The following GLRA2 variants were observed in gnomAD, a reference collection of about 807,000 sequenced individuals.
GLRA2 encodes glycine receptor alpha 2.
A neutral mutation model predicts 31.6 loss-of-function variants in GLRA2; 11 were observed. The ratio of observed to expected loss-of-function variants is 0.35; its 90% CI spans 0.22 to 0.58. The LOEUF is 0.58. GLRA2 is among the 20% of genes least tolerant of loss of function. GLRA2 has a pLI of 0.84. For synonymous variants in GLRA2, 132 were observed against 134.0 expected, an observed-to-expected ratio of 0.99 and a Z score of 0.10; for missense variants, 212 against 351.8, an observed-to-expected ratio of 0.60 and a Z score of 3.18.
chrX:14,681,431 C>A (rs1353135108), intron 7 of GLRA2, among the ~76,000 whole-genome samples: 3 of 111,196 alleles, frequency 2.7e-5, no homozygotes, highest in African/African-American at 9.8e-5. Flanking sequence ...ATCCATCCAC[C>A]ATGTATTTAT....
intron 7 of GLRA2, among the ~76,000 whole-genome samples, chrX:14,662,619 C>T (rs1047046072): frequency 7.2e-5 from 8 of 111,700 alleles, no homozygotes; most frequent in African/African-American, 9.7e-5. Context: ...AATAGATTTA[C>T]ATGAATGCTA....
the GLRA2 span, among the ~76,000 whole-genome samples, chrX:14,473,040 C>CA: frequency 9.1e-6 from 1 of 110,469 alleles, no homozygotes; most frequent in African/African-American, 3.3e-5. Context: ...TAGAATCAGA[C>CA]AAAAAATGTT....
intron 7 of GLRA2, 34 bp from the exon 8 acceptor site, chrX:14,690,676 T>A: frequency 1.1e-6 from 1 of 925,181 alleles, no homozygotes. Flanking sequence ...TCTCTCTCTC[T>A]CTGTGTGTGT....
chrX:14,726,575 C>T (rs1433050921), intron 8 of GLRA2, among the ~76,000 whole-genome samples: 3 of 111,894 alleles, frequency 2.7e-5, no homozygotes, highest in Non-Finnish European at 5.7e-5. Context: ...TAGGGAAAAC[C>T]CTCTTAAAAT....
At chrX:14,576,511 G>A (rs1400231875) in intron 3 of GLRA2, among the ~76,000 whole-genome samples, 1 of 111,645 alleles carries the variant, frequency 9.0e-6, no homozygotes, top group Non-Finnish European at 1.9e-5. Flanking sequence ...GGCATTCAAT[G>A]ACAATATTTG....
At chrX:14,645,983 G>A (rs1388036000) in intron 7 of GLRA2, among the ~76,000 whole-genome samples, 1 of 112,040 alleles carries the variant, frequency 8.9e-6, no homozygotes. Context: ...AGTGGAGACA[G>A]TTGGACAATG....
At chrX:14,588,969 C>T (rs1287142074) in intron 4 of GLRA2, among the ~76,000 whole-genome samples, 1 of 111,695 alleles carries the variant, frequency 9.0e-6, no homozygotes, top group Non-Finnish European at 1.9e-5. Context: ...AATTTAGGAG[C>T]CTTTTGGCTG....
the GLRA2 span, among the ~76,000 whole-genome samples, chrX:14,504,046 C>T: frequency 3.6e-5 from 4 of 111,513 alleles, no homozygotes; most frequent in Non-Finnish European, 7.5e-5. Flanking sequence ...CTTCCTCCTC[C>T]AGTCTTTTTT....
chrX:14,503,052 A>G, the GLRA2 span, among the ~76,000 whole-genome samples: 1 of 111,444 alleles, frequency 9.0e-6, no homozygotes, highest in Non-Finnish European at 1.9e-5. Context: ...ATATCCATTA[A>G]TGACCATGAA....
chrX:14,710,543 TATAAC>T (rs1233417467), intron 8 of GLRA2, among the ~76,000 whole-genome samples: 3 of 112,051 alleles, frequency 2.7e-5, no homozygotes, highest in African/African-American at 9.7e-5. Context: ...TCTTCAAAAT[TATAAC>T]AGCAGCAAAG....
rs1368964522 is a variant in GLRA2, at chrX:14,721,050, G to C, written c.1081-9157G>C. Reference sequence around the variant, plus strand: ...CAGGAGGATCACTTGAGTCTGGGTAGTCGAGGCTGCAGTGAGCTGTGATCA... The same window carrying C: ...CAGGAGGATCACTTGAGTCTGGGTACTCGAGGCTGCAGTGAGCTGTGATCA... On this transcript the variant is annotated intron_variant, in intron 8 of 8. Coordinates refer to ENST00000218075, the MANE Select transcript of GLRA2 (RefSeq NM_002063.4). 4.7e-5 allele frequency among the ~76,000 whole-genome samples: 5 copies of C among 106,847 alleles called. No homozygotes were observed. In the Admixed American group the frequency reaches 5.1e-4, roughly 11 times the overall value. 92.8% of individuals were successfully genotyped at this position (106,847 alleles called of 115,157 possible).
At chrX:14,485,510 G>A in the GLRA2 span, among the ~76,000 whole-genome samples, 1 of 111,560 alleles carries the variant, frequency 9.0e-6, no homozygotes, top group African/African-American at 3.3e-5. Context: ...ATGATGTTAT[G>A]ACAGACTTAT....
At chrX:14,607,368 C>A in intron 6 of GLRA2, 100 bp downstream of exon 6, 1 of 708,925 alleles carries the variant, frequency 1.4e-6, no homozygotes, top group Non-Finnish European at 2.1e-6. Flanking sequence ...GCATATTTAC[C>A]AGGCAAATAG....
chrX:14,570,799 A>G (rs1166847696), intron 2 of GLRA2, among the ~76,000 whole-genome samples: 2 of 111,923 alleles, frequency 1.8e-5, no homozygotes, highest in East Asian at 5.6e-4. Flanking sequence ...TAAGACAAAT[A>G]CCTTATTCCA....
rs2147184413 is a variant in GLRA2 at position 14,690,689 on chromosome X, GTGTC to G, written c.931-19_931-16del. On this transcript the variant is annotated splice_polypyrimidine_tract_variant and intron_variant, in intron 7 of 8. Transcript: ENST00000218075. ...TCTCTCTCTCTCTCTGTGTGTGTGT[GTGTC>G]TCTCTCTCTCTCTCAGGTCTCCTAT... 5 of 1,033,181 alleles carry G rather than the reference GTGTC, an allele frequency of 4.8e-6. No homozygotes were observed. Among genetic ancestry groups the G allele is most frequent in the African/African-American group, 3.7e-5 (2 of 54,345 alleles). The allele number at this position is 1,033,181 out of a possible 1,213,427, so 85.1% of individuals were successfully genotyped here.
chrX:14,654,392 A>C (rs2090920226), intron 7 of GLRA2, among the ~76,000 whole-genome samples: 1 of 112,314 alleles, frequency 8.9e-6, no homozygotes, highest in South Asian at 3.7e-4. Context: ...TGCTATGTCT[A>C]AAATTTTAGA....
chrX:14,642,112 A>G (rs2090780345), intron 7 of GLRA2, among the ~76,000 whole-genome samples: 1 of 111,723 alleles, frequency 9.0e-6, no homozygotes, highest in African/African-American at 3.3e-5. Context: ...ACTCCTATAA[A>G]GGTTATATAT....
chrX:14,582,988 G>A (rs1378340828), intron 4 of GLRA2, among the ~76,000 whole-genome samples: 7 of 111,997 alleles, frequency 6.3e-5, no homozygotes, highest in East Asian at 2.8e-4. Flanking sequence ...AATACTTGCT[G>A]CAGTGCCTGA....
intron 8 of GLRA2, among the ~76,000 whole-genome samples, chrX:14,707,010 G>A (rs2091632895): frequency 9.6e-6 from 1 of 104,648 alleles, no homozygotes; most frequent in African/African-American, 3.4e-5. Context: ...CTGTCTTTTA[G>A]GGCAGATTGA....
Sources: allele counts gnomAD v4.1 joint callset (sites outside exome capture counted in the v4.1 genomes callset), GRCh38; gene constraint gnomAD v4.1.1; transcripts MANE v1.5; gene names NCBI Gene and HGNC (gene_info 2026-07-23, HGNC 2026-07-21).